The following HTR1E variants were observed in gnomAD, a reference collection of about 807,000 sequenced individuals.
HTR1E encodes 5-HT-1E.
In HTR1E, 3 loss-of-function variants were observed where a neutral mutation model predicts 3.4. The observed-to-expected ratio is 0.89, with a 90% CI of 0.41 to 2.31. The LOEUF is 2.31. Among genes scored for constraint, HTR1E ranks in the 30% most tolerant of loss-of-function variants. The pLI, the probability that HTR1E is intolerant of heterozygous loss-of-function variation, is 0.05. For missense variants in HTR1E, 392 were observed against 467.0 expected (o/e 0.84, Z 1.48); for synonymous variants, 170 against 182.8 (o/e 0.93, Z 0.56).
At chr6:86,968,932 T>C (rs1767511654) in intron 1 of HTR1E, among the ~76,000 whole-genome samples, 2 of 151,776 alleles carry the variant, frequency 1.3e-5, no homozygotes, top group South Asian at 4.2e-4. Flanking sequence ...TTTATGTAAA[T>C]TGTTAATACC....
Position 87,016,406 on chromosome 6 carries a change from C to T in HTR1E, c.1072C>T (p.Leu358Phe), listed in dbSNP as rs1768326932. Residue 358 changes from leucine (L) to phenylalanine (F), a missense_variant, in exon 2 of 2, where the codon CTC becomes TTC. Coordinates refer to ENST00000305344, the MANE Select transcript of HTR1E (RefSeq NM_000865.3). Reference protein sequence around the residue: ...NEDFKLAFKKLIRCREHT With the variant: ...NEDFKLAFKKFIRCREHT ...AGACTTTAAGCTGGCTTTTAAAAAG[C>T]TCATTAGATGCCGAGAGCATACTTA... is the stretch of plus-strand genomic sequence containing the variant. 2 of 1,603,924 alleles carry T rather than the reference C, an allele frequency of 1.2e-6. No homozygotes were observed. The highest frequency in any genetic ancestry group is 1.1e-5 in the South Asian group (1 of 90,472).
chr6:86,968,585 A>T (rs1016798052), intron 1 of HTR1E, among the ~76,000 whole-genome samples: 22 of 152,346 alleles, frequency 1.4e-4, no homozygotes, highest in African/African-American at 5.3e-4. Context: ...ATTAGTTCAT[A>T]GTTTAACAAA....
chr6:86,950,115 GAAT>G (rs1414680010), intron 1 of HTR1E, among the ~76,000 whole-genome samples: 1 of 152,102 alleles, frequency 6.6e-6, no homozygotes, highest in Non-Finnish European at 1.5e-5. Context: ...TTCTAAACAA[GAAT>G]ATTATGTTCA....
At chr6:87,001,575 G>A (rs1768024681) in intron 1 of HTR1E, among the ~76,000 whole-genome samples, 1 of 152,146 alleles carries the variant, frequency 6.6e-6, no homozygotes, top group Non-Finnish European at 1.5e-5. Context: ...CCATCTCTCT[G>A]ACTGACTGAA....
At chr6:87,003,266 A>G (rs1217225718) in intron 1 of HTR1E, among the ~76,000 whole-genome samples, 1 of 152,214 alleles carries the variant, frequency 6.6e-6, no homozygotes, top group Non-Finnish European at 1.5e-5. Flanking sequence ...GGCCAGGCAC[A>G]GTGGCTCAAG....
intron 1 of HTR1E, among the ~76,000 whole-genome samples, chr6:87,007,678 G>T (rs779053959): frequency 6.6e-6 from 1 of 152,132 alleles, no homozygotes; most frequent in African/African-American, 2.4e-5. Context: ...GCTCACACTT[G>T]TTATCCCAGC....
chr6:86,959,056 G>A (rs1767368051), intron 1 of HTR1E, among the ~76,000 whole-genome samples: 1 of 151,920 alleles, frequency 6.6e-6, no homozygotes, highest in African/African-American at 2.4e-5. Flanking sequence ...AAAATCTGCA[G>A]GGTAGGCAGG....
chr6:86,986,773 T>C (rs1383307474), intron 1 of HTR1E, among the ~76,000 whole-genome samples: 2 of 152,186 alleles, frequency 1.3e-5, no homozygotes, highest in Admixed American at 6.5e-5. Context: ...CTAATCCCCA[T>C]AGACCCTTTC....
intron 1 of HTR1E, among the ~76,000 whole-genome samples, chr6:87,010,553 G>A (rs1206724038): frequency 7.7e-5 from 11 of 142,590 alleles, no homozygotes; most frequent in South Asian, 2.5e-4. Context: ...GACGATGGGC[G>A]GCCGGGCAGA....
At chr6:86,962,514 T>C (rs1402019067) in intron 1 of HTR1E, among the ~76,000 whole-genome samples, 1 of 152,180 alleles carries the variant, frequency 6.6e-6, no homozygotes, top group African/African-American at 2.4e-5. Flanking sequence ...GGTGATTTGG[T>C]GTAAACCTAC....
Position 87,000,567 on chromosome 6 carries a change from C to A in HTR1E, c.-185-14583C>A, listed in dbSNP as rs1036658944. Among the ~76,000 whole-genome samples the A allele has an allele frequency of 2.6e-5, 4 of 152,256 alleles. No individual in the cohort carries two copies. In the East Asian group the frequency reaches 5.8e-4, roughly 22 times the overall value. ...CCAGCAGCAGACTTTTCAGTGGAAACCTTAGAGGCCAGGAGAGAGTGGCAT... is the reference window on the plus strand; with the variant it reads ...CCAGCAGCAGACTTTTCAGTGGAAAACTTAGAGGCCAGGAGAGAGTGGCAT... On this transcript the variant is annotated intron_variant, in intron 1 of 1. Coordinates refer to ENST00000305344, the MANE Select transcript of HTR1E (RefSeq NM_000865.3).
intron 1 of HTR1E, among the ~76,000 whole-genome samples, chr6:87,003,358 C>T (rs1202792782): frequency 2.6e-5 from 4 of 152,010 alleles, no homozygotes; most frequent in African/African-American, 9.6e-5. Context: ...GCCAACATGG[C>T]AAAACCCCAT....
At chr6:86,981,436 G>T (rs543980751) in intron 1 of HTR1E, among the ~76,000 whole-genome samples, 1 of 152,252 alleles carries the variant, frequency 6.6e-6, no homozygotes, top group African/African-American at 2.4e-5. Flanking sequence ...CCATTTCGCA[G>T]GTAAATATTT....
chr6:86,973,563 G>A (rs1021510925), intron 1 of HTR1E, among the ~76,000 whole-genome samples: 4 of 151,986 alleles, frequency 2.6e-5, no homozygotes, highest in African/African-American at 4.8e-5. Flanking sequence ...CAAAAGACCC[G>A]CCCCAAATAC....
At chr6:86,965,153 C>T (rs1243865191) in intron 1 of HTR1E, among the ~76,000 whole-genome samples, 1 of 152,194 alleles carries the variant, frequency 6.6e-6, no homozygotes, top group Non-Finnish European at 1.5e-5. Flanking sequence ...ACCTCCTTCA[C>T]TGAAGCCACC....
Position 87,016,079 on chromosome 6 carries a change from A to G in HTR1E, c.745A>G (p.Thr249Ala). 1 of 1,614,102 alleles carries G rather than the reference A, an allele frequency of 6.2e-7. No individual in the cohort carries two copies. Among genetic ancestry groups the G allele is most frequent in the Non-Finnish European group, 8.5e-7 (1 of 1,180,016 alleles). Reference sequence around the variant, plus strand: ...GACTTTCTGTGTGTCTGACTTCTCCACCTCAGACCCTACCACAGAGTTTGA... The same window carrying G: ...GACTTTCTGTGTGTCTGACTTCTCCGCCTCAGACCCTACCACAGAGTTTGA... ...TQTFCVSDFS[T>A]SDPTTEFEKF... Residue 249 changes from threonine to alanine, a missense_variant, in exon 2 of 2, where the codon ACC (threonine) becomes GCC (alanine). Physicochemically the swap from Thr to Ala is moderately conservative, Grantham distance 58. Around this residue, in one of 3 missense-constraint regions of HTR1E, gnomAD observed 178 missense variants for 164.9 expected, o/e 1.08. Coordinates refer to ENST00000305344, the MANE Select transcript of HTR1E (RefSeq NM_000865.3).
intron 1 of HTR1E, among the ~76,000 whole-genome samples, chr6:86,968,681 C>T (rs894325333): frequency 9.9e-5 from 15 of 152,124 alleles, no homozygotes; most frequent in Non-Finnish European, 4.4e-5. Context: ...TGGTTTTTGG[C>T]AACTCCTTTA....
intron 1 of HTR1E, among the ~76,000 whole-genome samples, chr6:87,001,311 C>T (rs529888748): frequency 6.6e-5 from 10 of 152,218 alleles, no homozygotes; most frequent in Non-Finnish European, 1.2e-4. Context: ...TCCTTACTTA[C>T]GGATAGTAAC....
intron 1 of HTR1E, among the ~76,000 whole-genome samples, chr6:86,996,099 AC>A (rs1767936727): frequency 6.6e-6 from 1 of 152,186 alleles, no homozygotes; most frequent in African/African-American, 2.4e-5. Flanking sequence ...TATAAAGGAA[AC>A]CAAAAATACC....
Sources: allele counts gnomAD v4.1 joint callset (sites outside exome capture counted in the v4.1 genomes callset), GRCh38; gene constraint gnomAD v4.1.1; regional missense constraint gnomAD v4.1.1; transcripts MANE v1.5; gene names NCBI Gene and HGNC (gene_info 2026-07-23, HGNC 2026-07-21).